Variants in ROBO2 observed in about 807,000 individuals in gnomAD.
The protein encoded by ROBO2 is roundabout guidance receptor 2.
ROBO2 carries 53 observed loss-of-function variants against 160.8 expected under a neutral mutation model. The observed-to-expected ratio is 0.33, with a 90% CI of 0.26 to 0.41. The LOEUF (loss-of-function observed/expected upper bound fraction) is 0.41. Ranked by LOEUF, ROBO2 falls within the 10% of genes least tolerant of loss-of-function variation. The pLI is 1.00. For synonymous variants in ROBO2, 664 were observed against 611.7 expected (o/e 1.09, Z -1.26); for missense variants, 1,577 against 1,722.4 (o/e 0.92, Z 1.49).
chr3:77,038,698 G>A (rs533213054), upstream of ROBO2, among the ~76,000 whole-genome samples: 16 of 152,232 alleles, frequency 1.1e-4, no homozygotes, highest in East Asian at 1.6e-3. Flanking sequence ...GTGATCACAC[G>A]TGGGCCCGGC....
Position 76,804,653 on chromosome 3 carries a change from A to C in ROBO2, c.110-293361A>C, listed in dbSNP as rs532336095. ...AATTATTAGCTTCGCAAACACTAGT[A>C]GATTTCTTAATATATCATCTTTTCT... On this transcript the variant is annotated intron_variant, in intron 2 of 26. Coordinates refer to the ROBO2 transcript ENST00000487694. 2.6e-5 allele frequency among the ~76,000 whole-genome samples: 4 copies of C among 152,312 alleles called. No individual in the cohort carries two copies. The South Asian group carries it at 8.3e-4, about 32-fold the overall frequency.
chr3:76,254,868 A>G (rs1047421895), intron 2 of ROBO2, among the ~76,000 whole-genome samples: 2 of 152,060 alleles, frequency 1.3e-5, no homozygotes, highest in Admixed American at 6.6e-5. Context: ...ATTGGAAGCA[A>G]CTAAGTAAAA....
At chr3:76,418,324 A>ACCT (rs34410193) in intron 2 of ROBO2, among the ~76,000 whole-genome samples, 94,583 of 151,118 alleles carry the variant, frequency 0.63, 29,953 homozygotes, top group African/African-American at 0.74. Flanking sequence ...GCTCACTACA[A>ACCT]CCTCATCCTG....
At chr3:77,113,380 G>A (rs1222870493) in intron 2 of ROBO2, among the ~76,000 whole-genome samples, 2 of 152,204 alleles carry the variant, frequency 1.3e-5, no homozygotes, top group African/African-American at 4.8e-5. Flanking sequence ...TACCTATAAA[G>A]GGGTCAACTT....
At chr3:77,003,506 C>G (rs1481764830) in intron 2 of ROBO2, among the ~76,000 whole-genome samples, 1 of 152,190 alleles carries the variant, frequency 6.6e-6, no homozygotes, top group Non-Finnish European at 1.5e-5. Context: ...GGCCACTTCT[C>G]TACTCAGTTT....
At chr3:77,428,823 T>A (rs1247021177) in intron 2 of ROBO2, among the ~76,000 whole-genome samples, 1 of 152,196 alleles carries the variant, frequency 6.6e-6, no homozygotes, top group Non-Finnish European at 1.5e-5. Flanking sequence ...TTATATTGGA[T>A]AATGTATGTA....
intron 2 of ROBO2, among the ~76,000 whole-genome samples, chr3:77,410,929 G>A (rs139085533): frequency 5.3e-5 from 8 of 151,670 alleles, no homozygotes; most frequent in South Asian, 2.1e-4. Context: ...TCAACCTCCC[G>A]AGTAGCTGGG....
chr3:76,583,887 T>C (rs2085861593), intron 2 of ROBO2, among the ~76,000 whole-genome samples: 1 of 152,222 alleles, frequency 6.6e-6, no homozygotes, highest in Non-Finnish European at 1.5e-5. Context: ...GCTTTTTCTC[T>C]ATTATCATTG....
chr3:76,957,009 G>A (rs906298300), intron 2 of ROBO2, among the ~76,000 whole-genome samples: 6 of 151,946 alleles, frequency 3.9e-5, no homozygotes, highest in African/African-American at 1.4e-4. Context: ...ATAGATTCTA[G>A]GCTTTTGTTT....
intron 2 of ROBO2, among the ~76,000 whole-genome samples, chr3:76,358,178 G>A (rs1468225185): frequency 2.6e-5 from 4 of 151,860 alleles, no homozygotes; most frequent in Non-Finnish European, 5.9e-5. Flanking sequence ...CTTCATAGAT[G>A]TCTGCCATGA....
At chr3:76,827,828 CT>C (rs1234699647) in intron 2 of ROBO2, among the ~76,000 whole-genome samples, 1 of 152,010 alleles carries the variant, frequency 6.6e-6, no homozygotes, top group Non-Finnish European at 1.5e-5. Flanking sequence ...TATGCTCAGC[CT>C]TTTGAAGTTA....
chr3:77,245,070 G>A (rs574026999), intron 2 of ROBO2, among the ~76,000 whole-genome samples: 2 of 151,642 alleles, frequency 1.3e-5, no homozygotes, highest in South Asian at 2.1e-4. Flanking sequence ...AAAGTAAAAT[G>A]AACCAAGTTT....
intron 2 of ROBO2, among the ~76,000 whole-genome samples, chr3:76,173,583 A>G (rs2073122175): frequency 6.6e-6 from 1 of 151,590 alleles, no homozygotes; most frequent in African/African-American, 2.4e-5. Flanking sequence ...TTATTGTTCA[A>G]CTCCCACTTA....
intron 2 of ROBO2, among the ~76,000 whole-genome samples, chr3:76,546,127 G>A (rs1232355169): frequency 1.3e-5 from 2 of 151,886 alleles, no homozygotes; most frequent in African/African-American, 4.8e-5. Flanking sequence ...TTCTCAAGTA[G>A]ACATATTTTT....
At chr3:77,391,448 G>A (rs767606102) in intron 2 of ROBO2, among the ~76,000 whole-genome samples, 7 of 151,884 alleles carry the variant, frequency 4.6e-5, no homozygotes, top group Non-Finnish European at 8.8e-5. Flanking sequence ...TTGGACTACA[G>A]GTGCACACCT....
chr3:76,029,747 T>C (rs1004727486), intron 2 of ROBO2, among the ~76,000 whole-genome samples: 1 of 152,246 alleles, frequency 6.6e-6, no homozygotes, highest in African/African-American at 2.4e-5. Flanking sequence ...TGCCACATTT[T>C]GTTAATCCAG....
intron 2 of ROBO2, among the ~76,000 whole-genome samples, chr3:77,003,845 G>A (rs1179400058): frequency 1.3e-5 from 2 of 152,078 alleles, no homozygotes; most frequent in East Asian, 3.9e-4. Context: ...ACGCCCAGCC[G>A]ACATGGAGGT....
intron 2 of ROBO2, among the ~76,000 whole-genome samples, chr3:77,293,085 G>A (rs1320916870): frequency 6.6e-6 from 1 of 151,016 alleles, no homozygotes; most frequent in Non-Finnish European, 1.5e-5. Flanking sequence ...AAGACATAAA[G>A]TAAAATTGGC....
chr3:77,180,716 T>C (rs2080698202), intron 2 of ROBO2, among the ~76,000 whole-genome samples: 1 of 152,028 alleles, frequency 6.6e-6, no homozygotes, highest in African/African-American at 2.4e-5. Flanking sequence ...TTTTGTACTC[T>C]GTTTAAAAGC....
Sources: gnomAD v4.1 joint callset for allele counts (sites outside exome capture counted in the v4.1 genomes callset) on GRCh38, gnomAD v4.1.1 for gene constraint, MANE v1.5 for transcripts, NCBI Gene and HGNC (gene_info 2026-07-23, HGNC 2026-07-21) for gene names.